Variants in CAMTA1 observed in about 807,000 individuals in gnomAD.
CAMTA1 encodes calmodulin binding transcription activator 1.
CAMTA1 carries 27 observed loss-of-function variants against 170.9 expected under a neutral mutation model. The observed-to-expected ratio is 0.16, with a 90% confidence interval of 0.12 to 0.22. The LOEUF (loss-of-function observed/expected upper bound fraction) is 0.22. CAMTA1 is among the 10% of genes least tolerant of loss of function. The pLI is 1.00. For missense variants in CAMTA1, 1,619 were observed against 2,217.2 expected (o/e 0.73, Z 5.42); for synonymous variants, 833 against 891.5 (o/e 0.93, Z 1.17).
At chr1:7,571,269 G>A (rs1404205585) in intron 6 of CAMTA1, among the ~76,000 whole-genome samples, 1 of 152,124 alleles carries the variant, frequency 6.6e-6, no homozygotes, top group Non-Finnish European at 1.5e-5. Context: ...AAGGGGCAAG[G>A]GATATCTCTC....
intron 3 of CAMTA1, among the ~76,000 whole-genome samples, chr1:6,955,730 G>C (rs1436689793): frequency 1.3e-5 from 2 of 152,158 alleles, no homozygotes; most frequent in Non-Finnish European, 2.9e-5. Flanking sequence ...CACGTGTCTA[G>C]CTGAGCCCCA....
chr1:7,732,055 G>A lies in CAMTA1; in HGVS notation c.2915-393G>A, dbSNP rs1463925602. The stretch of plus-strand genomic sequence containing the variant: ...GTCTAACATACCTTCCTTTCTTGCT[G>A]TGATTGCTTTCTTCTACTAGTTTAA... On this transcript the variant is annotated intron_variant, in intron 11 of 22. Transcript: ENST00000303635. This position sits in a 1 kb window ranked among gnomAD's most constrained non-coding sequence, Gnocchi z 4.1. Among the ~76,000 whole-genome samples, 1 of 142,678 alleles carries A rather than the reference G, an allele frequency of 7.0e-6. No individual in the cohort carries two copies. The highest frequency in any genetic ancestry group is 1.5e-5 in the Non-Finnish European group (1 of 65,806). The allele number at this position is 142,678 out of a possible 152,430, so 93.6% of individuals were successfully genotyped here.
At chr1:7,236,457 T>A (rs954872657) in intron 4 of CAMTA1, among the ~76,000 whole-genome samples, 3 of 152,144 alleles carry the variant, frequency 2.0e-5, no homozygotes, top group Non-Finnish European at 4.4e-5. Flanking sequence ...TGAGTTGTTG[T>A]GACTGTAGAA....
intron 3 of CAMTA1, among the ~76,000 whole-genome samples, chr1:6,852,212 A>G (rs1242409734): frequency 1.3e-5 from 2 of 152,160 alleles, no homozygotes; most frequent in Non-Finnish European, 2.9e-5. Context: ...CAAAATTATC[A>G]CTTCTTTAGA....
chr1:7,678,506 G>T (rs2096147647), intron 11 of CAMTA1, among the ~76,000 whole-genome samples: 1 of 152,198 alleles, frequency 6.6e-6, no homozygotes, highest in South Asian at 2.1e-4. Context: ...TCCCCTTGGG[G>T]TACCAGGGGC....
intron 5 of CAMTA1, among the ~76,000 whole-genome samples, chr1:7,285,445 T>C (rs1302673758): frequency 6.6e-6 from 1 of 152,176 alleles, no homozygotes; most frequent in Non-Finnish European, 1.5e-5. Context: ...TTGTAGCCCA[T>C]GGCACTATTC....
At chr1:6,933,406 C>T (rs1414884904) in intron 3 of CAMTA1, among the ~76,000 whole-genome samples, 3 of 152,078 alleles carry the variant, frequency 2.0e-5, no homozygotes, top group Non-Finnish European at 4.4e-5. Context: ...ATTACAGGCA[C>T]ATGCCACCAA....
In CAMTA1 at chr1:7,592,770, G is replaced by T. The variant is rs1557970267; in HGVS notation, c.511-47630G>T. On this transcript the variant is annotated intron_variant, in intron 6 of 22. Coordinates refer to ENST00000303635, the MANE Select transcript of CAMTA1 (RefSeq NM_015215.4). This position sits in a 1 kb window ranked among gnomAD's most constrained non-coding sequence, Gnocchi z 4.6. ...TGCATCCTCTACCTTGGAAAATGAGGATTCTCCGAGAGCTCCTCCCCACCC... is the reference window on the plus strand; with the variant it reads ...TGCATCCTCTACCTTGGAAAATGAGTATTCTCCGAGAGCTCCTCCCCACCC... Among the ~76,000 whole-genome samples, 1 of 152,210 alleles carries T rather than the reference G, an allele frequency of 6.6e-6. No homozygotes were observed. Among genetic ancestry groups the T allele is most frequent in the East Asian group, 1.9e-4 (1 of 5,168 alleles).
intron 1 of CAMTA1, among the ~76,000 whole-genome samples, chr1:6,786,021 C>T (rs779723391): frequency 1.3e-4 from 20 of 151,682 alleles, no homozygotes; most frequent in South Asian, 4.2e-4. Flanking sequence ...CTCCTGGCCC[C>T]GCGCCCCACT....
intron 5 of CAMTA1, among the ~76,000 whole-genome samples, chr1:7,449,769 CAAAAAAAAA>C (rs59913060): frequency 8.8e-5 from 7 of 79,610 alleles, no homozygotes; most frequent in African/African-American, 2.7e-4. Context: ...GACTCGGTCT[CAAAAAAAAA>C]AAAAAAAAAA....
At chr1:7,661,127 C>T (rs1436859382) in intron 7 of CAMTA1, among the ~76,000 whole-genome samples, 3 of 152,236 alleles carry the variant, frequency 2.0e-5, no homozygotes, top group East Asian at 3.9e-4. Context: ...GTCCAGGCCA[C>T]GTGGGCCCTT....
intron 11 of CAMTA1, among the ~76,000 whole-genome samples, chr1:7,731,946 G>A (rs2149917309): frequency 6.6e-6 from 1 of 152,062 alleles, no homozygotes; most frequent in South Asian, 2.1e-4. Flanking sequence ...GCTAGAGCTT[G>A]GCTCAGGAAA....
At chr1:7,336,829 A>G (rs1416362840) in intron 5 of CAMTA1, among the ~76,000 whole-genome samples, 1 of 152,168 alleles carries the variant, frequency 6.6e-6, no homozygotes, top group East Asian at 1.9e-4. Flanking sequence ...CGGGGCCAGC[A>G]ACAGGGAGAA....
intron 6 of CAMTA1, among the ~76,000 whole-genome samples, chr1:7,493,388 C>T (rs548630714): frequency 0.11 from 14,966 of 138,300 alleles, 3,088 homozygotes; most frequent in African/African-American, 0.26. Flanking sequence ...CACAAACAAA[C>T]ACGTGCACAC....
At chr1:7,617,996 A>C (rs913295925) in intron 6 of CAMTA1, among the ~76,000 whole-genome samples, 2 of 152,172 alleles carry the variant, frequency 1.3e-5, no homozygotes, top group African/African-American at 4.8e-5. Context: ...TCACCCCTGT[A>C]CCATGCACAC....
At chr1:6,818,382 A>G (rs1646083819) in intron 1 of CAMTA1, among the ~76,000 whole-genome samples, 2 of 152,144 alleles carry the variant, frequency 1.3e-5, no homozygotes, top group Admixed American at 6.5e-5. Context: ...AACTCAGGCA[A>G]TCCTGTTTGT....
intron 1 of CAMTA1, among the ~76,000 whole-genome samples, chr1:6,806,245 A>G (rs1470749385): frequency 1.3e-5 from 2 of 152,172 alleles, no homozygotes; most frequent in Non-Finnish European, 2.9e-5. Context: ...CCATTACCAC[A>G]ATGTCTTGAT....
chr1:6,862,581 C>T (rs953978044), intron 3 of CAMTA1, among the ~76,000 whole-genome samples: 2 of 152,132 alleles, frequency 1.3e-5, no homozygotes, highest in African/African-American at 4.8e-5. Context: ...TCCGCCAAAC[C>T]TTCTTTCTTA....
At chr1:7,614,226 G>T (rs569075410) in intron 6 of CAMTA1, among the ~76,000 whole-genome samples, 2 of 152,174 alleles carry the variant, frequency 1.3e-5, no homozygotes, top group South Asian at 4.1e-4. Flanking sequence ...GGATGAGTTG[G>T]GGTCAAAGGC....
Sources: gnomAD v4.1 joint callset for allele counts (sites outside exome capture counted in the v4.1 genomes callset) on GRCh38, gnomAD v4.1.1 for gene constraint, Gnocchi (gnomAD v3.1) non-coding constraint, MANE v1.5 for transcripts, NCBI Gene and HGNC (gene_info 2026-07-23, HGNC 2026-07-21) for gene names.